TMEM131L: variants seen among roughly 807,000 people sequenced by gnomAD.
TMEM131L encodes transmembrane 131 like.
Under a neutral mutation model 192.2 loss-of-function variants are expected in TMEM131L, and 54 were observed. The observed-to-expected ratio is 0.28, with a 90% CI of 0.23 to 0.35. The LOEUF (loss-of-function observed/expected upper bound fraction) is 0.35. Among genes scored for constraint, TMEM131L ranks in the 10% least tolerant of loss-of-function variants. TMEM131L has a pLI of 1.00. For synonymous variants in TMEM131L, 701 were observed against 704.9 expected, an observed-to-expected ratio of 0.99 and a Z score of 0.09; for missense variants, 1,888 against 1,972.9, an observed-to-expected ratio of 0.96 and a Z score of 0.82.
intron 3 of TMEM131L, among the ~76,000 whole-genome samples, chr4:153,521,128 C>T (rs1735080703): frequency 6.6e-6 from 1 of 152,096 alleles, no homozygotes; most frequent in Admixed American, 6.5e-5. Context: ...GATCTGGGGC[C>T]TTGTTTCTGC....
At chr4:153,615,617 G>A (rs928668801) in intron 26 of TMEM131L, among the ~76,000 whole-genome samples, 8 of 152,292 alleles carry the variant, frequency 5.3e-5, no homozygotes, top group African/African-American at 1.4e-4. Flanking sequence ...GGGATAGGTG[G>A]GAATGAATGA....
intron 3 of TMEM131L, among the ~76,000 whole-genome samples, chr4:153,519,555 A>G (rs1734964395): frequency 6.6e-6 from 1 of 152,232 alleles, no homozygotes; most frequent in South Asian, 2.1e-4. Context: ...TTGCCATCAC[A>G]TATAGAATGT....
chr4:153,489,141 C>T (rs945618315), intron 3 of TMEM131L, among the ~76,000 whole-genome samples: 7 of 152,170 alleles, frequency 4.6e-5, no homozygotes, highest in African/African-American at 7.2e-5. Flanking sequence ...TAGTCCCCAG[C>T]GAGACTCGTC....
chr4:153,523,412 A>C (rs937212823), intron 3 of TMEM131L, among the ~76,000 whole-genome samples: 4 of 152,216 alleles, frequency 2.6e-5, no homozygotes, highest in Non-Finnish European at 1.5e-5. Context: ...TTTAGGAATG[A>C]ATGGAGGCCA....
intron 7 of TMEM131L, among the ~76,000 whole-genome samples, chr4:153,563,972 A>G (rs1350794601): frequency 6.6e-6 from 1 of 152,056 alleles, no homozygotes; most frequent in Non-Finnish European, 1.5e-5. Context: ...AGGGGCCTTC[A>G]TGAATAGGAT....
intron 25 of TMEM131L, among the ~76,000 whole-genome samples, chr4:153,609,003 T>C (rs951990815): frequency 2.0e-5 from 3 of 152,164 alleles, no homozygotes; most frequent in Non-Finnish European, 4.4e-5. Flanking sequence ...TTTATTATTA[T>C]TAGTGTTCTT....
At chr4:153,633,993 C>T (rs1734399889) in intron 32 of TMEM131L, among the ~76,000 whole-genome samples, 199 bp from the exon 33 acceptor site, 1 of 152,182 alleles carries the variant, frequency 6.6e-6, no homozygotes, top group Non-Finnish European at 1.5e-5. Context: ...TCCAGCCGTC[C>T]ATCCTGCAGA....
At chr4:153,617,828 T>C (rs73856937) in intron 26 of TMEM131L, among the ~76,000 whole-genome samples, 2,951 of 152,150 alleles carry the variant, frequency 0.019, 103 homozygotes, top group African/African-American at 0.067. Flanking sequence ...AAAAACATTA[T>C]TTTATGATGG....
chr4:153,493,380 G>T (rs1299260499), intron 3 of TMEM131L, among the ~76,000 whole-genome samples: 1 of 138,164 alleles, frequency 7.2e-6, no homozygotes, highest in East Asian at 2.2e-4. Flanking sequence ...TATGTTTGGG[G>T]CTGGGCGCAG....
At chr4:153,611,062 TAAAAG>T (rs1732576718) in intron 25 of TMEM131L, among the ~76,000 whole-genome samples, 1 of 152,200 alleles carries the variant, frequency 6.6e-6, no homozygotes, top group South Asian at 2.1e-4. Flanking sequence ...TGAAATCACT[TAAAAG>T]AAAAATGGAA....
At chr4:153,488,483 T>C (rs968544806) in intron 3 of TMEM131L, among the ~76,000 whole-genome samples, 10 of 151,802 alleles carry the variant, frequency 6.6e-5, no homozygotes, top group Admixed American at 6.6e-4. Context: ...AGGAACAAAA[T>C]TGGGACAAGG....
Position 153,603,421 on chromosome 4 carries a change from C to G in TMEM131L, c.2758C>G (p.Pro920Ala), listed in dbSNP as rs765243724. The G allele has an allele frequency of 2.5e-6, 4 of 1,614,012 alleles. No individual in the cohort carries two copies. The highest frequency in any genetic ancestry group is 3.4e-6 in the Non-Finnish European group (4 of 1,179,940). The change falls in exon 24 of 35, where the codon CCT (proline) becomes GCT (alanine). Residue 920 changes from proline to alanine, a missense_variant. By Grantham distance (27) the Pro-to-Ala change is conservative (BLOSUM62 -1). Transcript: ENST00000409959. The part of the protein sequence containing the change: ...ASSSSQQNNG[P>A]MDVISPHSYK... ...CTCCTCTTCACAGCAAAACAATGGT[C>G]CTATGGATGTAATCAGCCCCCATTC...
intron 31 of TMEM131L, among the ~76,000 whole-genome samples, 156 bp downstream of exon 31, chr4:153,627,843 G>A (rs1186948025): frequency 6.6e-6 from 1 of 152,176 alleles, no homozygotes; most frequent in Non-Finnish European, 1.5e-5. Context: ...CATCAGGAAG[G>A]CACCTACTCT....
chr4:153,467,325 A>T, intron 2 of TMEM131L, 44 bp downstream of exon 2: 1 of 1,522,012 alleles, frequency 6.6e-7, no homozygotes, highest in Non-Finnish European at 8.9e-7. Context: ...TGTACGAGGG[A>T]GGAGAGGCGG....
intron 3 of TMEM131L, among the ~76,000 whole-genome samples, chr4:153,545,017 G>C (rs1054665502): frequency 3.3e-5 from 5 of 152,106 alleles, no homozygotes; most frequent in African/African-American, 1.2e-4. Flanking sequence ...TGGAACAGTT[G>C]GTTACAGCCA....
chr4:153,625,044 G>A (rs920151188), intron 29 of TMEM131L, among the ~76,000 whole-genome samples: 1 of 152,206 alleles, frequency 6.6e-6, no homozygotes, highest in Admixed American at 6.5e-5. Flanking sequence ...AATGTTCACA[G>A]CACTGATAAC....
intron 26 of TMEM131L, among the ~76,000 whole-genome samples, chr4:153,619,713 G>A (rs573144304): frequency 8.5e-5 from 13 of 152,310 alleles, no homozygotes; most frequent in Middle Eastern, 6.8e-3. Flanking sequence ...CTCCTTCCAA[G>A]TTATTCGTGT....
At chr4:153,567,202 C>T (rs920712069) in intron 7 of TMEM131L, among the ~76,000 whole-genome samples, 1 of 152,080 alleles carries the variant, frequency 6.6e-6, no homozygotes, top group Non-Finnish European at 1.5e-5. Flanking sequence ...TTACAAAATA[C>T]CTGATCTAGG....
chr4:153,474,004 C>A, intron 3 of TMEM131L, 116 bp downstream of exon 3: 1 of 600,736 alleles, frequency 1.7e-6, no homozygotes, highest in South Asian at 2.4e-5. Flanking sequence ...CTGTAATACA[C>A]CTTTCTCTTT....
Sources: allele counts gnomAD v4.1 joint callset (sites outside exome capture counted in the v4.1 genomes callset), GRCh38; gene constraint gnomAD v4.1.1; transcripts MANE v1.5; gene names NCBI Gene and HGNC (gene_info 2026-07-23, HGNC 2026-07-21).